The following NHSL1 variants were observed in gnomAD, a reference collection of about 807,000 sequenced individuals.
NHSL1 encodes the protein NHS-like protein 1.
NHSL1 carries 48 observed loss-of-function variants against 95.0 expected under a neutral mutation model. That is an observed-to-expected ratio of 0.51 (90% CI 0.40 to 0.64). NHSL1 has a LOEUF of 0.64. Among genes scored for constraint, NHSL1 ranks in the 30% least tolerant of loss-of-function variants. NHSL1 has a pLI of 0.00. For synonymous variants in NHSL1, 783 were observed against 833.9 expected (o/e 0.94, Z 1.05); for missense variants, 1,971 against 2,077.7 (o/e 0.95, Z 1.00).
At chr6:138,647,602 C>CT (rs368149578) in intron 1 of NHSL1, among the ~76,000 whole-genome samples, 5,012 of 136,200 alleles carry the variant, frequency 0.037, 211 homozygotes, top group African/African-American at 0.091. Flanking sequence ...ATATTTCTCA[C>CT]TTTTTTTTTT....
At chr6:138,580,345 A>G (rs144053268) in intron 1 of NHSL1, among the ~76,000 whole-genome samples, 4 of 152,208 alleles carry the variant, frequency 2.6e-5, no homozygotes, top group African/African-American at 9.7e-5. Context: ...ACATACTGCA[A>G]AAAAAGAAAT....
intron 1 of NHSL1, among the ~76,000 whole-genome samples, chr6:138,570,601 C>T (rs1335217834): frequency 3.3e-5 from 5 of 152,180 alleles, no homozygotes; most frequent in Non-Finnish European, 7.4e-5. Context: ...GTTTAACAGA[C>T]AAGAACAAAT....
Position 138,638,775 on chromosome 6 carries a change from A to G in NHSL1, c.96+53701T>C, listed in dbSNP as rs552907361. 2.6e-5 allele frequency among the ~76,000 whole-genome samples: 4 copies of G among 152,354 alleles called. No homozygotes were observed. The East Asian group carries it at 7.7e-4, about 29-fold the overall frequency. On this transcript the variant is annotated intron_variant, in intron 1 of 3. Transcript: ENST00000491526. ...ACTTCCAACCCTCTGCTGTCTTCCC[A>G]GCCACTATGGATCAAGCTGCATATT...
intron 1 of NHSL1, among the ~76,000 whole-genome samples, chr6:138,589,783 C>T (rs966133567): frequency 6.6e-6 from 1 of 151,894 alleles, no homozygotes; most frequent in Non-Finnish European, 1.5e-5. Flanking sequence ...GACAGCAAAT[C>T]GCCTCTCCTC....
At chr6:138,459,642 ATAG>A (rs1248388296) in intron 3 of NHSL1, among the ~76,000 whole-genome samples, 2 of 152,294 alleles carry the variant, frequency 1.3e-5, no homozygotes, top group African/African-American at 2.4e-5. Flanking sequence ...GGTAATAATG[ATAG>A]TGAATGTCCT....
In NHSL1 at chr6:138,430,202, A is replaced by T. The variant is rs576767637; in HGVS notation, c.3952+191T>A. 1.3e-5 allele frequency among the ~76,000 whole-genome samples: 2 copies of T among 152,290 alleles called. No individual in the cohort carries two copies. The highest frequency in any genetic ancestry group is 3.9e-4 in the East Asian group (2 of 5,190). On this transcript the variant is annotated intron_variant, in intron 6 of 7. Transcript: ENST00000343505. The surrounding 1 kb of genome is among the most constrained non-coding windows in gnomAD (Gnocchi z 4.7). ...TGCCATGCCTTTAGGTCTAGATTTTAAAAATAATAACAAAATGCAAAGTTG... is the reference window on the plus strand; with the variant it reads ...TGCCATGCCTTTAGGTCTAGATTTTTAAAATAATAACAAAATGCAAAGTTG...
intron 1 of NHSL1, among the ~76,000 whole-genome samples, chr6:138,534,664 C>T (rs561700236): frequency 1.3e-5 from 2 of 152,230 alleles, no homozygotes; most frequent in Admixed American, 1.3e-4. Flanking sequence ...ATCAGTTTTC[C>T]AAAATTCCAA....
chr6:138,628,991 G>A (rs1784781234), intron 1 of NHSL1, among the ~76,000 whole-genome samples: 1 of 152,178 alleles, frequency 6.6e-6, no homozygotes, highest in African/African-American at 2.4e-5. Flanking sequence ...CATTAGACAT[G>A]TCACTATGGT....
intron 1 of NHSL1, among the ~76,000 whole-genome samples, chr6:138,628,675 A>T (rs1406975916): frequency 6.6e-6 from 1 of 152,164 alleles, no homozygotes; most frequent in Non-Finnish European, 1.5e-5. Flanking sequence ...TTGAACCTGG[A>T]AGGTGGAGGT....
chr6:138,587,835 CACA>C (rs1784161061), intron 1 of NHSL1, among the ~76,000 whole-genome samples: 1 of 152,240 alleles, frequency 6.6e-6, no homozygotes, highest in Non-Finnish European at 1.5e-5. Flanking sequence ...TCAGGAAGGA[CACA>C]ACAACAGACA....
intron 1 of NHSL1, among the ~76,000 whole-genome samples, chr6:138,592,601 C>CA (rs903603743): frequency 3.8e-5 from 5 of 130,200 alleles, no homozygotes; most frequent in African/African-American, 9.4e-5. Context: ...GACTGTCGCA[C>CA]AAAAAAACAA....
chr6:138,617,764 C>T (rs778043701), intron 1 of NHSL1, among the ~76,000 whole-genome samples: 1 of 152,234 alleles, frequency 6.6e-6, no homozygotes, highest in African/African-American at 2.4e-5. Flanking sequence ...GTTCTCATTA[C>T]TCCTGGAGGA....
intron 1 of NHSL1, among the ~76,000 whole-genome samples, chr6:138,523,627 G>A (rs1339127979): frequency 6.0e-4 from 39 of 64,928 alleles, no homozygotes; most frequent in Non-Finnish European, 6.7e-4. Context: ...TTTTAAAGAG[G>A]AAAAAAAAAA....
intron 3 of NHSL1, among the ~76,000 whole-genome samples, chr6:138,454,190 C>CGTGT (rs1554226359): frequency 2.6e-5 from 4 of 151,152 alleles, no homozygotes; most frequent in Non-Finnish European, 5.9e-5. Context: ...TATATGTGTG[C>CGTGT]GTGTGTGTGT....
intron 2 of NHSL1, among the ~76,000 whole-genome samples, chr6:138,493,290 T>C (rs1583297859): frequency 6.6e-6 from 1 of 152,222 alleles, no homozygotes; most frequent in Admixed American, 6.5e-5. Context: ...TAAATCCCTT[T>C]GATGAACCAT....
chr6:138,441,720 C>A (rs1049056860), intron 5 of NHSL1, among the ~76,000 whole-genome samples: 2 of 152,170 alleles, frequency 1.3e-5, no homozygotes, highest in Non-Finnish European at 2.9e-5. Flanking sequence ...ATGAGGTTAA[C>A]TATGAATTCT....
At chr6:138,645,937 G>A (rs957845079) in intron 1 of NHSL1, among the ~76,000 whole-genome samples, 1 of 152,160 alleles carries the variant, frequency 6.6e-6, no homozygotes, top group Non-Finnish European at 1.5e-5. Context: ...TGTTAAAAAT[G>A]TTTTAAATGA....
At chr6:138,519,367 ATG>A (rs1781583890) in intron 1 of NHSL1, among the ~76,000 whole-genome samples, 2 of 152,230 alleles carry the variant, frequency 1.3e-5, no homozygotes, top group South Asian at 2.1e-4. Context: ...TGGAATTTTT[ATG>A]TCTCTCATAA....
At chr6:138,472,212 A>G (rs1446012186) in intron 3 of NHSL1, among the ~76,000 whole-genome samples, 1 of 152,020 alleles carries the variant, frequency 6.6e-6, no homozygotes, top group Non-Finnish European at 1.5e-5. Context: ...AATCTAAAAA[A>G]CAATCTGGGT....
Sources: allele counts gnomAD v4.1 joint callset (sites outside exome capture counted in the v4.1 genomes callset), GRCh38; gene constraint gnomAD v4.1.1; non-coding constraint Gnocchi (gnomAD v3.1); transcripts MANE v1.5; gene names NCBI Gene and HGNC (gene_info 2026-07-23, HGNC 2026-07-21).